The following SPTBN4 variants were observed in gnomAD, a reference collection of about 807,000 sequenced individuals.
The protein encoded by SPTBN4 is spectrin beta chain, non-erythrocytic 4.
In SPTBN4, 96 loss-of-function variants were observed where a neutral mutation model predicts 277.8. The observed-to-expected ratio is 0.35, with a 90% CI of 0.29 to 0.41. The LOEUF is 0.41. Ranked by LOEUF, SPTBN4 falls within the 10% of genes least tolerant of loss-of-function variation. SPTBN4 has a pLI of 1.00. For synonymous variants in SPTBN4, 1,481 were observed against 1,580.3 expected, an observed-to-expected ratio of 0.94 and a Z score of 1.49; for missense variants, 3,006 against 3,595.7, an observed-to-expected ratio of 0.84 and a Z score of 4.19.
intron 2 of SPTBN4, among the ~76,000 whole-genome samples, chr19:40,482,234 G>T (rs1412546014): frequency 6.6e-6 from 1 of 152,096 alleles, no homozygotes; most frequent in Non-Finnish European, 1.5e-5. Flanking sequence ...ACCATGCCTG[G>T]CCTGATTTTT....
chr19:40,481,454 C>T (rs1283519415), intron 2 of SPTBN4, among the ~76,000 whole-genome samples: 1 of 152,084 alleles, frequency 6.6e-6, no homozygotes, highest in Non-Finnish European at 1.5e-5. Context: ...GCACCCCACC[C>T]TTGCGATGGT....
chr19:40,505,751 G>GAAGA (rs561514212), intron 12 of SPTBN4, among the ~76,000 whole-genome samples: 8 of 144,164 alleles, frequency 5.5e-5, no homozygotes, highest in East Asian at 4.0e-4. Context: ...AGGAAGGAAG[G>GAAGA]AAGAAAGAAA....
In SPTBN4 at chr19:40,554,210, G is replaced by C; in HGVS notation, c.4738G>C (p.Ala1580Pro). ...GGAGGAGGTGCTGGAGCGCGCGGGC[G>C]CGCTGGCGTCGCTGCGCAGCCCGGA... Reference protein sequence around the residue: ...RLEEVLERAGALASLRSPEAE... With the variant: ...RLEEVLERAGPLASLRSPEAE... Residue 1580 changes from alanine (A) to proline (P), a missense_variant, in exon 23 of 36, where the codon GCG becomes CCG. Ala to Pro is a conservative substitution (Grantham distance 27). Transcript: ENST00000598249. The surrounding 1 kb of genome is among the most constrained non-coding windows in gnomAD (Gnocchi z 5.7). 6.7e-7 allele frequency: 1 copy of C among 1,485,492 alleles called. No individual in the cohort carries two copies. Among genetic ancestry groups the C allele is most frequent in the Non-Finnish European group, 8.8e-7 (1 of 1,130,128 alleles). 92.0% of individuals were successfully genotyped at this position (1,485,492 alleles called of 1,614,324 possible).
Position 40,550,303 on chromosome 19 carries a change from C to G in SPTBN4, c.4650C>G (p.Val1550=). 6.2e-7 allele frequency: 1 copy of G among 1,610,700 alleles called. No homozygotes were observed. The highest frequency in any genetic ancestry group is 8.5e-7 in the Non-Finnish European group (1 of 1,179,996). ...AGCGAGGCAACGGTTTGCAGGCGGT[C>G]CAGCAGCACATCAAAAAGAACCAGG... The part of the protein sequence containing the change: ...QTERGNGLQA[V]QQHIKKNQGL... The change falls in exon 22 of 36, where the codon GTC becomes GTG. Residue 1550 remains valine (V), a synonymous_variant. Coordinates refer to ENST00000598249, the MANE Select transcript of SPTBN4 (RefSeq NM_020971.3).
intron 27 of SPTBN4, among the ~76,000 whole-genome samples, chr19:40,561,883 AG>A (rs1348862151): frequency 6.6e-6 from 1 of 152,146 alleles, no homozygotes; most frequent in Non-Finnish European, 1.5e-5. Context: ...ATACATACAT[AG>A]GAAGGGAATG....
At chr19:40,503,661 C>T (rs1364567949) in intron 11 of SPTBN4, among the ~76,000 whole-genome samples, 169 bp from the exon 12 acceptor site, 3 of 151,684 alleles carry the variant, frequency 2.0e-5, no homozygotes, top group African/African-American at 7.3e-5. Flanking sequence ...GGGCTGGTCT[C>T]CAGGTTACCT....
chr19:40,483,525 A>G (rs1362622443), intron 2 of SPTBN4, among the ~76,000 whole-genome samples: 1 of 152,200 alleles, frequency 6.6e-6, no homozygotes, highest in Non-Finnish European at 1.5e-5. Context: ...TGCACCTTGA[A>G]TGTTTACCTC....
chr19:40,475,715 G>A (rs944208305), intron 2 of SPTBN4, among the ~76,000 whole-genome samples: 5 of 150,840 alleles, frequency 3.3e-5, no homozygotes, highest in Admixed American at 6.6e-5. Flanking sequence ...GCCCACCTTG[G>A]CCTCCCAAAA....
chr19:40,519,882 C>G lies in SPTBN4; in HGVS notation c.3385C>G (p.Leu1129Val). 6.6e-7 allele frequency: 1 copy of G among 1,511,160 alleles called. No homozygotes were observed. Among genetic ancestry groups the G allele is most frequent in the Non-Finnish European group, 8.8e-7 (1 of 1,139,976 alleles). The allele number at this position is 1,511,160 out of a possible 1,614,324, so 93.6% of individuals were successfully genotyped here. A position where few individuals can be genotyped will look rare whatever the true frequency, so the allele number is the denominator to read the frequency against. ...PNSLEEADAL[L>V]ARHAALKEEV... ...CAGCCTAGAAGAGGCGGACGCGCTG[C>G]TGGCGCGCCACGCTGCGCTCAAGGA... Residue 1129 changes from leucine to valine, a missense_variant, in exon 16 of 36, where the codon CTG becomes GTG. Around this residue, in one of 5 missense-constraint regions of SPTBN4, gnomAD observed 1,759 missense variants for 2,061.5 expected, o/e 0.85. Coordinates refer to ENST00000598249, the MANE Select transcript of SPTBN4 (RefSeq NM_020971.3). The surrounding 1 kb of genome is among the most constrained non-coding windows in gnomAD (Gnocchi z 5.7).
chr19:40,566,072 C>T (rs1599818871), intron 29 of SPTBN4, 91 bp from the exon 30 acceptor site: 11 of 1,341,804 alleles, frequency 8.2e-6, no homozygotes, highest in Non-Finnish European at 9.0e-6. Context: ...TATGGAAAGC[C>T]GGAGGGGTGT....
chr19:40,507,485 C>T (rs2080343201), intron 13 of SPTBN4, among the ~76,000 whole-genome samples: 3 of 151,526 alleles, frequency 2.0e-5, no homozygotes, highest in Admixed American at 2.0e-4. Context: ...GTGAGGATTG[C>T]TTGAGGCCAG....
In SPTBN4 at chr19:40,513,222, G is replaced by A. The variant is rs1036849665; in HGVS notation, c.2433G>A (p.Leu811=). 2.7e-6 allele frequency: 4 copies of A among 1,505,474 alleles called. No individual in the cohort carries two copies. The highest frequency in any genetic ancestry group is 2.1e-5 in the Admixed American group (1 of 47,554). The allele number at this position is 1,505,474 out of a possible 1,614,324, so 93.3% of individuals were successfully genotyped here. A position where few individuals can be genotyped will look rare whatever the true frequency, so the allele number is the denominator to read the frequency against. ...ACGACGAAGCTTCCAGCCGCCGCCTGGCGCGCCAGCACCGCGCGCTCACCG... is the reference window on the plus strand; with the variant it reads ...ACGACGAAGCTTCCAGCCGCCGCCTAGCGCGCCAGCACCGCGCGCTCACCG... ...FGHDEASSRR[L]ARQHRALTGE... The change falls in exon 14 of 36, where the codon CTG becomes CTA. Residue 811 remains leucine (L), a synonymous_variant. Transcript: ENST00000598249.
chr19:40,562,953 T>A (rs1302165818), intron 27 of SPTBN4, among the ~76,000 whole-genome samples: 1 of 152,222 alleles, frequency 6.6e-6, no homozygotes, highest in Admixed American at 6.5e-5. Context: ...GGCTCACGCC[T>A]GTAATCCCAA....
chr19:40,566,864 C>T (rs1055413949), intron 30 of SPTBN4, among the ~76,000 whole-genome samples: 1 of 151,608 alleles, frequency 6.6e-6, no homozygotes, highest in Admixed American at 6.6e-5. Context: ...ACTCGGGAGG[C>T]TGAGGCAGGA....
At chr19:40,557,479 CT>C in intron 26 of SPTBN4, 76 bp downstream of exon 26, 1 of 1,477,488 alleles carries the variant, frequency 6.8e-7, no homozygotes, top group Non-Finnish European at 9.0e-7. Flanking sequence ...AAAAATCAGG[CT>C]GTGGAGCAGG....
intron 20 of SPTBN4, among the ~76,000 whole-genome samples, chr19:40,544,275 T>C (rs577334987): frequency 6.6e-6 from 1 of 151,564 alleles, no homozygotes; most frequent in African/African-American, 2.4e-5. Flanking sequence ...CCCAAGTAGC[T>C]GGGATAACAG....
At chr19:40,569,312 CT>C (rs1421066029) in intron 31 of SPTBN4, among the ~76,000 whole-genome samples, 1 of 151,572 alleles carries the variant, frequency 6.6e-6, no homozygotes, top group African/African-American at 2.4e-5. Context: ...GTAGTACCAG[CT>C]ACTTGGGAGG....
Position 40,554,410 on chromosome 19 carries a change from T to G in SPTBN4, c.4938T>G (p.Ser1646Arg). The change falls in exon 23 of 36, where the codon AGT becomes AGG. Residue 1646 changes from serine to arginine, a missense_variant. Around this residue, in one of 5 missense-constraint regions of SPTBN4, gnomAD observed 1,759 missense variants for 2,061.5 expected, o/e 0.85. Coordinates refer to ENST00000598249, the MANE Select transcript of SPTBN4 (RefSeq NM_020971.3). This position sits in a 1 kb window ranked among gnomAD's most constrained non-coding sequence, Gnocchi z 5.7. ...WLGEQELLMM[S>R]EDKGKDEQST... is the part of the protein sequence containing the mutation. The stretch of plus-strand genomic sequence containing the variant: ...GCGAGCAGGAGCTGCTCATGATGAG[T>G]GAGGACAAGGGCAAGGTGCGCCCGA... The G allele has an allele frequency of 6.3e-7, 1 of 1,580,192 alleles. No homozygotes were observed. Among genetic ancestry groups the G allele is most frequent in the Admixed American group, 1.8e-5 (1 of 56,480 alleles).
chr19:40,495,260 C>T (rs560357144), intron 6 of SPTBN4, among the ~76,000 whole-genome samples: 7 of 152,278 alleles, frequency 4.6e-5, no homozygotes, highest in South Asian at 2.1e-4. Flanking sequence ...CAGATACCCA[C>T]GCACGTGCAC....
Sources: allele counts gnomAD v4.1 joint callset (sites outside exome capture counted in the v4.1 genomes callset), GRCh38; gene constraint gnomAD v4.1.1; regional missense constraint gnomAD v4.1.1; non-coding constraint Gnocchi (gnomAD v3.1); transcripts MANE v1.5; gene names NCBI Gene and HGNC (gene_info 2026-07-23, HGNC 2026-07-21).